CACNG4: variants seen among roughly 807,000 people sequenced by gnomAD.
CACNG4 encodes the protein voltage-dependent calcium channel gamma-4 subunit.
Under a neutral mutation model 22.9 loss-of-function variants are expected in CACNG4, and 8 were observed. The ratio of observed to expected loss-of-function variants is 0.35; its 90% CI spans 0.21 to 0.63. The LOEUF (loss-of-function observed/expected upper bound fraction) is 0.63. CACNG4 is among the 30% of genes least tolerant of loss of function. The probability of loss-of-function intolerance (pLI) is 0.72; values close to 1 mark genes in which losing one functional copy is unlikely to be tolerated. For synonymous variants in CACNG4, 188 were observed against 191.9 expected (o/e 0.98, Z 0.17); for missense variants, 357 against 455.4 (o/e 0.78, Z 1.97).
chr17:66,964,719 G>A lies in CACNG4; in HGVS notation c.-193G>A, dbSNP rs899839103. Among the ~76,000 whole-genome samples, 2 of 145,488 alleles carry A rather than the reference G, an allele frequency of 1.4e-5. No homozygotes were observed. The highest frequency in any genetic ancestry group is 4.9e-5 in the African/African-American group (2 of 40,612). On this transcript the variant is annotated 5_prime_UTR_variant, in exon 1 of 4. Transcript: ENST00000262138. ...CCGCGCAGCCCGCACTCGTCGCCGCGCCTCGGAGTTTGAGCCCCAGCGCTG... is the reference window on the plus strand; with the variant it reads ...CCGCGCAGCCCGCACTCGTCGCCGCACCTCGGAGTTTGAGCCCCAGCGCTG...
intron 1 of CACNG4, among the ~76,000 whole-genome samples, chr17:66,985,640 A>G (rs1051662428): frequency 1.3e-5 from 2 of 152,250 alleles, no homozygotes; most frequent in Non-Finnish European, 2.9e-5. Flanking sequence ...CTGAATGCAC[A>G]CATGCAGTCT....
intron 1 of CACNG4, among the ~76,000 whole-genome samples, chr17:66,996,799 T>C (rs1057480798): frequency 1.3e-5 from 2 of 152,150 alleles, no homozygotes; most frequent in African/African-American, 4.8e-5. Context: ...TTAGAAATAA[T>C]GCAGGAGGTT....
At chr17:67,009,859 TAGG>T (rs897207687) in intron 1 of CACNG4, among the ~76,000 whole-genome samples, 5 of 152,174 alleles carry the variant, frequency 3.3e-5, no homozygotes, top group Non-Finnish European at 5.9e-5. Flanking sequence ...ACCTCAGGGT[TAGG>T]AGTTCAGCAT....
chr17:66,973,918 C>A (rs1406341823), intron 1 of CACNG4, among the ~76,000 whole-genome samples: 1 of 152,236 alleles, frequency 6.6e-6, no homozygotes, highest in African/African-American at 2.4e-5. Flanking sequence ...GCGAGACTCT[C>A]TTTTCTGAAC....
chr17:66,967,321 G>T (rs2035176760), intron 1 of CACNG4, among the ~76,000 whole-genome samples: 2 of 152,132 alleles, frequency 1.3e-5, no homozygotes, highest in Non-Finnish European at 2.9e-5. Context: ...ATGCTCAGTG[G>T]TTCTGAGGGC....
chr17:67,026,526 C>T (rs2035567891), intron 3 of CACNG4, among the ~76,000 whole-genome samples: 1 of 106,152 alleles, frequency 9.4e-6, no homozygotes, highest in South Asian at 3.1e-4. Flanking sequence ...TATTTGAGGA[C>T]TGTGGGGTGT....
intron 1 of CACNG4, among the ~76,000 whole-genome samples, chr17:67,013,754 G>A (rs1008569520): frequency 1.3e-4 from 20 of 151,582 alleles, no homozygotes; most frequent in South Asian, 4.2e-4. Context: ...GCAGTGAGCC[G>A]AGTCCATGCC....
At chr17:66,966,410 G>T (rs1477700546) in intron 1 of CACNG4, among the ~76,000 whole-genome samples, 1 of 152,102 alleles carries the variant, frequency 6.6e-6, no homozygotes, top group Non-Finnish European at 1.5e-5. Context: ...CCCCTCGGTT[G>T]TTCGGGAAGT....
chr17:67,012,320 A>G (rs529896036), intron 1 of CACNG4, among the ~76,000 whole-genome samples: 14 of 152,318 alleles, frequency 9.2e-5, no homozygotes, highest in South Asian at 8.3e-4. Flanking sequence ...CTCTTTCTCC[A>G]TCTTCAAAGG....
At position 66,985,994 on chromosome 17, in the gene CACNG4, G is replaced by A. The variant is rs559173018; in HGVS notation, c.220+20863G>A. On this transcript the variant is annotated intron_variant, in intron 1 of 3. Transcript: ENST00000262138. The stretch of plus-strand genomic sequence containing the variant: ...GAAGAAGGTTCCAGACAGAACACAG[G>A]CAAAGTTCCAGAAACATCATGCCTG... 2.0e-5 allele frequency among the ~76,000 whole-genome samples: 3 copies of A among 152,292 alleles called. No individual in the cohort carries two copies. In the East Asian group the frequency reaches 5.8e-4, roughly 29 times the overall value.
intron 2 of CACNG4, among the ~76,000 whole-genome samples, chr17:67,024,657 C>T (rs573719760): frequency 6.4e-4 from 98 of 152,334 alleles, no homozygotes; most frequent in South Asian, 2.5e-3. Flanking sequence ...AGGGCAGGCC[C>T]GGAGCCCCCA....
At chr17:66,983,405 A>G (rs2035288045) in intron 1 of CACNG4, among the ~76,000 whole-genome samples, 1 of 152,298 alleles carries the variant, frequency 6.6e-6, no homozygotes, top group South Asian at 2.1e-4. Flanking sequence ...TGACCCCAGG[A>G]ATCTGGGGCC....
intron 1 of CACNG4, among the ~76,000 whole-genome samples, chr17:66,998,982 A>G (rs1434064044): frequency 6.6e-6 from 1 of 152,054 alleles, no homozygotes; most frequent in African/African-American, 2.4e-5. Context: ...GCCTGCTTGT[A>G]TTTCTTCATG....
intron 1 of CACNG4, among the ~76,000 whole-genome samples, chr17:67,001,829 G>A (rs1369805234): frequency 6.6e-6 from 1 of 152,236 alleles, no homozygotes; most frequent in Non-Finnish European, 1.5e-5. Flanking sequence ...GCTCTTCCTG[G>A]AAAGCCACCA....
rs2035563992 is a variant in CACNG4, at chr17:67,026,132, CTGTGGTGTGTTTGTGTGTGTGAGGAG to C, written c.445+1152_445+1177del. On this transcript the variant is annotated intron_variant, in intron 3 of 3. Transcript: ENST00000262138. Reference sequence around the variant, plus strand: ...TGGGATGTGTGTGTGTATTTGAGGACTGTGGTGTGTTTGTGTGTGTGAGGAGTGTGGTGTGTTTGTGTGTGAGGAGT... The same window carrying C: ...TGGGATGTGTGTGTGTATTTGAGGACTGTGGTGTGTTTGTGTGTGAGGAGT... Among the ~76,000 whole-genome samples, 10 of 138,798 alleles carry C rather than the reference CTGTGGTGTGTTTGTGTGTGTGAGGAG, an allele frequency of 7.2e-5. 1 individual carries two copies. The South Asian group carries it at 2.4e-3, about 33-fold the overall frequency. 91.1% of individuals were successfully genotyped at this position (138,798 alleles called of 152,430 possible).
At chr17:67,018,135 G>A in intron 1 of CACNG4, 54 bp from the exon 2 acceptor site, 2 of 1,351,886 alleles carry the variant, frequency 1.5e-6, no homozygotes, top group South Asian at 1.2e-5. Context: ...GGAGTGAACG[G>A]ATGAGTGAAC....
intron 1 of CACNG4, among the ~76,000 whole-genome samples, chr17:66,991,728 T>C (rs1441172734): frequency 6.6e-6 from 1 of 152,194 alleles, no homozygotes; most frequent in Non-Finnish European, 1.5e-5. Context: ...CACATGTTCA[T>C]GATTCTCTGA....
chr17:66,965,176 A>ACC, intron 1 of CACNG4, 45 bp downstream of exon 1: 2 of 1,122,628 alleles, frequency 1.8e-6, no homozygotes, highest in Non-Finnish European at 2.5e-6. Flanking sequence ...ACACACACAC[A>ACC]CACACACACA....
At chr17:66,980,914 C>T (rs1259838035) in intron 1 of CACNG4, among the ~76,000 whole-genome samples, 3 of 152,030 alleles carry the variant, frequency 2.0e-5, no homozygotes, top group East Asian at 1.9e-4. Flanking sequence ...CCACCGCACC[C>T]GGCCTTGTTA....
Sources: allele counts gnomAD v4.1 joint callset (sites outside exome capture counted in the v4.1 genomes callset), GRCh38; gene constraint gnomAD v4.1.1; transcripts MANE v1.5; gene names NCBI Gene and HGNC (gene_info 2026-07-23, HGNC 2026-07-21).